Variants in PPP2R2B observed in about 807,000 individuals in gnomAD.
PPP2R2B encodes the protein serine/threonine-protein phosphatase 2A 55 kDa regulatory subunit B beta isoform.
PPP2R2B carries 5 observed loss-of-function variants against 46.0 expected under a neutral mutation model. That is an observed-to-expected ratio of 0.11 (90% CI 0.06 to 0.23). The LOEUF is 0.23. Among genes scored for constraint, PPP2R2B ranks in the 10% least tolerant of loss-of-function variants. The probability of loss-of-function intolerance (pLI) is 1.00; values close to 1 mark genes in which losing one functional copy is unlikely to be tolerated. For missense variants in PPP2R2B, 367 were observed against 575.0 expected, an observed-to-expected ratio of 0.64 and a Z score of 3.70; for synonymous variants, 215 against 206.7, an observed-to-expected ratio of 1.04 and a Z score of -0.34.
chr5:146,915,782 C>T (rs1763365202), intron 1 of PPP2R2B, among the ~76,000 whole-genome samples: 1 of 152,140 alleles, frequency 6.6e-6, no homozygotes, highest in Admixed American at 6.6e-5. Flanking sequence ...TTCTCCTCTG[C>T]CCAAATTCTT....
At chr5:146,812,667 G>GTATATATATA (rs1186426182) in intron 2 of PPP2R2B, among the ~76,000 whole-genome samples, 10 of 638 alleles carry the variant, frequency 0.016, 5 homozygotes, top group Admixed American at 0.059. Context: ...CCTCAGAAGA[G>GTATATATATA]TATATATATA....
At chr5:146,647,901 C>T (rs528308383) in intron 6 of PPP2R2B, among the ~76,000 whole-genome samples, 25 of 152,286 alleles carry the variant, frequency 1.6e-4, no homozygotes, top group Admixed American at 1.4e-3. Flanking sequence ...GAGTCTGTTC[C>T]GTGATCAACA....
intron 5 of PPP2R2B, among the ~76,000 whole-genome samples, chr5:146,663,610 A>C (rs1422862105): frequency 6.6e-6 from 1 of 152,184 alleles, no homozygotes; most frequent in African/African-American, 2.4e-5. Flanking sequence ...CTTATACTAT[A>C]CTGTAGTCTA....
chr5:146,845,947 T>G (rs1267425466), intron 2 of PPP2R2B, among the ~76,000 whole-genome samples: 1 of 152,236 alleles, frequency 6.6e-6, no homozygotes, highest in African/African-American at 2.4e-5. Flanking sequence ...GACACCAGTC[T>G]GAATTCAATG....
At chr5:146,934,583 GAAAAAAAAAAAA>G (rs3062352) in intron 1 of PPP2R2B, among the ~76,000 whole-genome samples, 129 of 31,502 alleles carry the variant, frequency 4.1e-3, no homozygotes, top group African/African-American at 0.012. Context: ...TTTTTCATAA[GAAAAAAAAAAAA>G]AAAAAAAAAA....
intron 1 of PPP2R2B, among the ~76,000 whole-genome samples, chr5:146,992,288 GTGTTGGGAAAAC>G (rs1198241807): frequency 6.6e-6 from 1 of 152,174 alleles, no homozygotes; most frequent in Non-Finnish European, 1.5e-5. Context: ...TAAACAAATG[GTGTTGGGAAAAC>G]TAGACAGCTA....
At chr5:146,838,437 G>T (rs896106709) in intron 2 of PPP2R2B, among the ~76,000 whole-genome samples, 14 of 152,044 alleles carry the variant, frequency 9.2e-5, no homozygotes, top group Admixed American at 9.2e-4. Flanking sequence ...TGGGCATGAT[G>T]GTGGGTGCCT....
intron 5 of PPP2R2B, among the ~76,000 whole-genome samples, chr5:146,677,635 C>T (rs1777828116): frequency 6.8e-6 from 1 of 146,368 alleles, no homozygotes; most frequent in Non-Finnish European, 1.5e-5. Flanking sequence ...TCAAGTAGTT[C>T]TCCCACTGTA....
At chr5:146,749,934 A>G (rs866487778) in intron 2 of PPP2R2B, among the ~76,000 whole-genome samples, 1 of 151,918 alleles carries the variant, frequency 6.6e-6, no homozygotes, top group African/African-American at 2.4e-5. Context: ...ATAGCTTCAC[A>G]TTTTATATCT....
At chr5:147,057,465 G>A (rs1423441592), upstream of PPP2R2B, among the ~76,000 whole-genome samples, 1 of 152,176 alleles carries the variant, frequency 6.6e-6, no homozygotes. Flanking sequence ...GAAGGAGTGT[G>A]GGCTTTGGGT....
At chr5:147,023,397 T>C (rs1755379741) in intron 1 of PPP2R2B, among the ~76,000 whole-genome samples, 1 of 152,142 alleles carries the variant, frequency 6.6e-6, no homozygotes, top group East Asian at 1.9e-4. Flanking sequence ...AGCAAGATGG[T>C]AAATTTAAAA....
chr5:146,760,116 AAC>A (rs1340222218), intron 2 of PPP2R2B, among the ~76,000 whole-genome samples: 4 of 152,246 alleles, frequency 2.6e-5, no homozygotes, highest in Non-Finnish European at 5.9e-5. Context: ...CACAGCATGT[AAC>A]ACACAGTAAA....
intron 2 of PPP2R2B, among the ~76,000 whole-genome samples, chr5:146,738,821 T>G (rs1752698583): frequency 6.6e-6 from 1 of 152,106 alleles, no homozygotes; most frequent in Middle Eastern, 3.4e-3. Flanking sequence ...ATACTGAGGG[T>G]TTTTTAATCA....
intron 2 of PPP2R2B, among the ~76,000 whole-genome samples, chr5:147,078,347 A>G (rs1197770065): frequency 6.6e-6 from 1 of 152,192 alleles, no homozygotes; most frequent in Non-Finnish European, 1.5e-5. Flanking sequence ...AGACACTAGA[A>G]TTCTCATAAT....
chr5:146,687,192 C>G (rs1290553606), intron 5 of PPP2R2B, among the ~76,000 whole-genome samples: 1 of 152,126 alleles, frequency 6.6e-6, no homozygotes, highest in East Asian at 1.9e-4. Flanking sequence ...TTCAAATGCC[C>G]AGATGTATAT....
chr5:146,810,730 A>T (rs1757483679), intron 2 of PPP2R2B, among the ~76,000 whole-genome samples: 1 of 150,438 alleles, frequency 6.6e-6, no homozygotes, highest in Admixed American at 6.6e-5. Flanking sequence ...TAATATATAT[A>T]TTTTTTATTA....
intron 2 of PPP2R2B, chr5:147,080,959 G>T: frequency 7.1e-6 from 8 of 1,130,372 alleles, no homozygotes; most frequent in Non-Finnish European, 1.0e-5. Flanking sequence ...TGGGGTGTGT[G>T]GGGACTTAGA....
intron 8 of PPP2R2B, among the ~76,000 whole-genome samples, chr5:146,593,573 C>T (rs1770874032): frequency 2.0e-5 from 3 of 152,092 alleles, no homozygotes; most frequent in African/African-American, 7.2e-5. Flanking sequence ...GAGATCTTGT[C>T]GGGGGTGTAT....
At chr5:147,030,439 G>A (rs1238465131) in intron 1 of PPP2R2B, among the ~76,000 whole-genome samples, 1 of 151,916 alleles carries the variant, frequency 6.6e-6, no homozygotes, top group African/African-American at 2.4e-5. Flanking sequence ...TCTACATGAA[G>A]CTTGCTGAGA....
Sources: gnomAD v4.1 joint callset for allele counts (sites outside exome capture counted in the v4.1 genomes callset) on GRCh38, gnomAD v4.1.1 for gene constraint, MANE v1.5 for transcripts, NCBI Gene and HGNC (gene_info 2026-07-23, HGNC 2026-07-21) for gene names.